DACH1: variants seen among roughly 807,000 people sequenced by gnomAD.
The protein encoded by DACH1 is dachshund homolog 1.
A neutral mutation model predicts 54.2 loss-of-function variants in DACH1; 12 were observed. That is an observed-to-expected ratio of 0.22 (90% confidence interval 0.14 to 0.36). The LOEUF (loss-of-function observed/expected upper bound fraction) is 0.36, where lower values mean the gene tolerates loss of function less well. Among genes scored for constraint, DACH1 ranks in the 10% least tolerant of loss-of-function variants. DACH1 has a pLI of 1.00. For missense variants in DACH1, 805 were observed against 929.8 expected, an observed-to-expected ratio of 0.87 and a Z score of 1.75; for synonymous variants, 386 against 366.2, an observed-to-expected ratio of 1.05 and a Z score of -0.62.
intron 1 of DACH1, among the ~76,000 whole-genome samples, chr13:71,726,033 A>G (rs547557779): frequency 6.6e-6 from 1 of 152,228 alleles, no homozygotes; most frequent in Admixed American, 6.6e-5. Context: ...TAATGAACAC[A>G]TAGTGATTTA....
chr13:71,741,752 T>C (rs1884396980), intron 1 of DACH1, among the ~76,000 whole-genome samples: 1 of 152,164 alleles, frequency 6.6e-6, no homozygotes, highest in South Asian at 2.1e-4. Context: ...TTTAATTCTA[T>C]TTGAGTGATT....
chr13:71,547,360 G>T (rs748100009), intron 6 of DACH1, among the ~76,000 whole-genome samples: 20 of 152,052 alleles, frequency 1.3e-4, no homozygotes, highest in Non-Finnish European at 2.9e-4. Context: ...TAATAATTGG[G>T]ATGGCATATG....
intron 1 of DACH1, chr13:71,846,005 G>A (rs1012804692): frequency 9.4e-5 from 16 of 169,924 alleles, no homozygotes; most frequent in Non-Finnish European, 1.6e-4. Context: ...GTGGTCGAAG[G>A]CCATTTTTTT....
At chr13:71,851,921 G>A (rs1170186858) in intron 1 of DACH1, among the ~76,000 whole-genome samples, 1 of 152,112 alleles carries the variant, frequency 6.6e-6, no homozygotes, top group Non-Finnish European at 1.5e-5. Flanking sequence ...ATGTGGTTTA[G>A]TCATTCTCAG....
In DACH1 at chr13:71,646,259, C is replaced by G. The variant is rs112357491; in HGVS notation, c.965-15542G>C. 4.5e-4 allele frequency among the ~76,000 whole-genome samples: 69 copies of G among 151,904 alleles called. 1 individual carries two copies. The highest frequency in any genetic ancestry group is 1.6e-3 in the African/African-American group (67 of 41,412). ...GGCTGAGGCAGGAGAATCACTTGAA[C>G]CCGGGAGGCAGAGCTTGCAGTGAGC... On this transcript the variant is annotated intron_variant, in intron 2 of 10. Transcript: ENST00000613252.
chr13:71,594,056 AT>A (rs1257510904), intron 3 of DACH1, among the ~76,000 whole-genome samples: 1 of 151,378 alleles, frequency 6.6e-6, no homozygotes, highest in Non-Finnish European at 1.5e-5. Context: ...TAAAATGCAT[AT>A]TTTCATAACT....
intron 2 of DACH1, among the ~76,000 whole-genome samples, chr13:71,657,223 A>G (rs1006537987): frequency 1.8e-4 from 28 of 152,094 alleles, no homozygotes; most frequent in African/African-American, 6.7e-4. Context: ...GTCTCCTAGT[A>G]TGGTGCATTG....
At chr13:71,696,702 C>A (rs918168915) in intron 1 of DACH1, among the ~76,000 whole-genome samples, 6 of 152,144 alleles carry the variant, frequency 3.9e-5, no homozygotes, top group African/African-American at 1.4e-4. Flanking sequence ...CATGCACCAC[C>A]ACACCCGACT....
chr13:71,569,129 C>G (rs1354968958), intron 4 of DACH1, among the ~76,000 whole-genome samples: 2 of 152,012 alleles, frequency 1.3e-5, no homozygotes, highest in Admixed American at 6.6e-5. Context: ...TTTTCTTTTC[C>G]TCAGTGCATT....
chr13:71,580,958 T>A (rs569892369), intron 3 of DACH1, among the ~76,000 whole-genome samples: 1 of 152,080 alleles, frequency 6.6e-6, no homozygotes, highest in Non-Finnish European at 1.5e-5. Flanking sequence ...TTAGGGGTCT[T>A]CATTTTTTTC....
intron 10 of DACH1, among the ~76,000 whole-genome samples, chr13:71,462,834 T>C (rs1219219037): frequency 6.6e-6 from 1 of 151,248 alleles, no homozygotes; most frequent in Non-Finnish European, 1.5e-5. Context: ...GCATGGGAAT[T>C]TGAACCCAGG....
chr13:71,627,925 G>T (rs1195664756), intron 3 of DACH1, among the ~76,000 whole-genome samples: 1 of 152,002 alleles, frequency 6.6e-6, no homozygotes. Context: ...GGACAGATTT[G>T]AAGAAATCAT....
intron 6 of DACH1, among the ~76,000 whole-genome samples, chr13:71,506,592 C>T (rs1237564188): frequency 9.9e-5 from 15 of 151,888 alleles, no homozygotes; most frequent in African/African-American, 2.2e-4. Context: ...GAGCCCGCAT[C>T]GCCAAGTCAA....
At chr13:71,495,130 G>C (rs903639544) in intron 6 of DACH1, among the ~76,000 whole-genome samples, 2 of 151,910 alleles carry the variant, frequency 1.3e-5, no homozygotes, top group African/African-American at 4.8e-5. Flanking sequence ...ATTCCAAATA[G>C]AAAAACACTC....
At chr13:71,507,833 T>C (rs941687935) in intron 6 of DACH1, among the ~76,000 whole-genome samples, 6 of 152,224 alleles carry the variant, frequency 3.9e-5, no homozygotes, top group Non-Finnish European at 8.8e-5. Context: ...ATTTCTAAAC[T>C]GAACCTCCAC....
intron 6 of DACH1, among the ~76,000 whole-genome samples, chr13:71,500,222 G>T (rs540706666): frequency 6.6e-6 from 1 of 152,008 alleles, no homozygotes; most frequent in Non-Finnish European, 1.5e-5. Context: ...GAGAATTTTC[G>T]GGGGGAGGGA....
At chr13:71,549,509 T>C (rs1369901451) in intron 6 of DACH1, among the ~76,000 whole-genome samples, 1 of 152,138 alleles carries the variant, frequency 6.6e-6, no homozygotes, top group Non-Finnish European at 1.5e-5. Context: ...CTTTGACATA[T>C]AGTGCATGAA....
At chr13:71,779,109 A>T (rs1886196697) in intron 1 of DACH1, among the ~76,000 whole-genome samples, 1 of 125,680 alleles carries the variant, frequency 8.0e-6, no homozygotes, top group Non-Finnish European at 1.7e-5. Flanking sequence ...ATATATATAT[A>T]TACATATATA....
chr13:71,458,312 AAT>A (rs1433777247), intron 10 of DACH1, among the ~76,000 whole-genome samples: 3 of 151,930 alleles, frequency 2.0e-5, no homozygotes, highest in Admixed American at 6.6e-5. Flanking sequence ...AATTTTGCAA[AAT>A]ATGTTAATAA....
Sources: gnomAD v4.1 joint callset for allele counts (sites outside exome capture counted in the v4.1 genomes callset) on GRCh38, gnomAD v4.1.1 for gene constraint, MANE v1.5 for transcripts, NCBI Gene and HGNC (gene_info 2026-07-23, HGNC 2026-07-21) for gene names.